Variants in MAST4 observed in about 807,000 individuals in gnomAD.
The protein encoded by MAST4 is microtubule associated serine/threonine kinase family member 4.
Under a neutral mutation model 162.7 loss-of-function variants are expected in MAST4, and 89 were observed. The observed-to-expected ratio is 0.55, with a 90% CI of 0.46 to 0.65. MAST4 has a LOEUF of 0.65. MAST4 is among the 30% of genes least tolerant of loss of function. The pLI, the probability that MAST4 is intolerant of heterozygous loss-of-function variation, is 0.00. For synonymous variants in MAST4, 1,479 were observed against 1,361.1 expected (o/e 1.09, Z -1.91); for missense variants, 3,153 against 3,374.0 (o/e 0.93, Z 1.62).
rs148439323 is a variant in MAST4 at position 66,773,562 on chromosome 5, C to T, written c.517+13700C>T. The stretch of plus-strand genomic sequence containing the variant: ...CATGGTTTGTGTCCTCTCTAAAATT[C>T]GGGTGTTGCCAGTTTGATAGTATTT... On this transcript the variant is annotated intron_variant, in intron 2 of 28. Coordinates refer to ENST00000403625, the MANE Select transcript of MAST4 (RefSeq NM_001164664.2). 6.0e-3 allele frequency among the ~76,000 whole-genome samples: 915 copies of T among 152,270 alleles called. 7 individuals are homozygous for T. The highest frequency in any genetic ancestry group is 0.051 in the South Asian group (245 of 4,818).
intron 4 of MAST4, among the ~76,000 whole-genome samples, chr5:66,983,432 A>T (rs1303459757): frequency 2.0e-5 from 3 of 152,198 alleles, no homozygotes; most frequent in African/African-American, 7.2e-5. Flanking sequence ...TTAATGGTGA[A>T]GAGAAGGTTA....
chr5:66,825,271 C>G (rs1345130182), intron 3 of MAST4, among the ~76,000 whole-genome samples: 1 of 83,452 alleles, frequency 1.2e-5, no homozygotes, highest in Non-Finnish European at 2.2e-5. Context: ...GACACACACA[C>G]ACACACACAC....
rs574313816 is a variant in MAST4 at position 66,658,958 on chromosome 5, G to A, written c.363+61940G>A. On this transcript the variant is annotated intron_variant, in intron 1 of 28. Coordinates refer to ENST00000403625, the MANE Select transcript of MAST4 (RefSeq NM_001164664.2). ...GGTTGCTTGAGTCCAGGAGTTCAAGGCTGCAGTGAGCTATGATTGTACCAC... is the reference window on the plus strand; with the variant it reads ...GGTTGCTTGAGTCCAGGAGTTCAAGACTGCAGTGAGCTATGATTGTACCAC... 2.6e-5 allele frequency among the ~76,000 whole-genome samples: 4 copies of A among 152,228 alleles called. No individual in the cohort carries two copies. The South Asian group carries it at 8.3e-4, about 32-fold the overall frequency.
At chr5:66,616,398 G>A (rs1743688044) in intron 1 of MAST4, among the ~76,000 whole-genome samples, 1 of 152,174 alleles carries the variant, frequency 6.6e-6, no homozygotes, top group Non-Finnish European at 1.5e-5. Flanking sequence ...ATAGGAATTA[G>A]TTTCTAGACG....
Position 66,825,261 on chromosome 5 carries a change from GACACACACACACACACACACACAC to G in MAST4, c.642+36497_642+36520del, listed in dbSNP as rs56076405. 4.4e-4 allele frequency among the ~76,000 whole-genome samples: 60 copies of G among 135,634 alleles called. 1 individual carries two copies. Among genetic ancestry groups the G allele is most frequent in the East Asian group, 4.4e-3 (21 of 4,784 alleles). The allele number at this position is 135,634 out of a possible 152,430, so 89.0% of individuals were successfully genotyped here. On this transcript the variant is annotated intron_variant, in intron 3 of 28. Coordinates refer to ENST00000403625, the MANE Select transcript of MAST4 (RefSeq NM_001164664.2). ...TTTAACCTTTTTTGTTAAAAACTAA[GACACACACACACACACACACACAC>G]ACACACACACACACACACACACACA...
intron 1 of MAST4, among the ~76,000 whole-genome samples, chr5:66,608,550 G>A (rs183074066): frequency 1.0e-3 from 159 of 151,868 alleles, no homozygotes; most frequent in African/African-American, 3.6e-3. Context: ...GTCTCTGTCA[G>A]TATCCCTAGC....
chr5:67,000,019 T>G lies in MAST4; in HGVS notation c.675-54385T>G, dbSNP rs143556232. ...CCCATTTCTGTCCCAGTATTAAACTTTATTTCTTGGGATGTACAAAATGAT... is the reference window on the plus strand; with the variant it reads ...CCCATTTCTGTCCCAGTATTAAACTGTATTTCTTGGGATGTACAAAATGAT... On this transcript the variant is annotated intron_variant, in intron 4 of 28. Transcript: ENST00000403625. Among the ~76,000 whole-genome samples, 577 of 152,338 alleles carry G rather than the reference T, an allele frequency of 3.8e-3. 4 individuals carry two copies. Among genetic ancestry groups the G allele is most frequent in the Admixed American group, 7.6e-3 (116 of 15,304 alleles).
At chr5:66,836,118 C>T (rs910188263) in intron 3 of MAST4, among the ~76,000 whole-genome samples, 3 of 151,998 alleles carry the variant, frequency 2.0e-5, no homozygotes, top group Admixed American at 6.6e-5. Context: ...CTGCAGTGAG[C>T]TGTGTTCGTG....
chr5:66,975,899 G>C (rs1401125392), intron 4 of MAST4, among the ~76,000 whole-genome samples: 1 of 152,120 alleles, frequency 6.6e-6, no homozygotes, highest in Non-Finnish European at 1.5e-5. Flanking sequence ...GGAGACTGAG[G>C]CATGAAAATT....
At chr5:67,033,315 C>CTG (rs146627241) in intron 4 of MAST4, among the ~76,000 whole-genome samples, 11,055 of 125,902 alleles carry the variant, frequency 0.088, 557 homozygotes, top group Non-Finnish European at 0.12. Context: ...TTTCATTTCT[C>CTG]TGTGTGTGTG....
intron 1 of MAST4, among the ~76,000 whole-genome samples, chr5:66,666,102 G>A (rs780065099): frequency 6.6e-6 from 1 of 152,106 alleles, no homozygotes; most frequent in Non-Finnish European, 1.5e-5. Context: ...GGGTTGCAGT[G>A]GTCCAGGAAG....
chr5:66,673,951 A>G (rs1184950472), intron 1 of MAST4, among the ~76,000 whole-genome samples: 5 of 152,252 alleles, frequency 3.3e-5, no homozygotes. Flanking sequence ...TTAGTTAAAA[A>G]TTTAAAAACA....
chr5:66,633,669 T>C lies in MAST4; in HGVS notation c.363+36651T>C, dbSNP rs191983281. On this transcript the variant is annotated intron_variant, in intron 1 of 28. Coordinates refer to ENST00000403625, the MANE Select transcript of MAST4 (RefSeq NM_001164664.2). ...AAGATAGTTTCAAGAATTCAAATAC[T>C]TTGTCAAAGCATTCACTGGGGGCTA... Among the ~76,000 whole-genome samples, 332 of 152,328 alleles carry C rather than the reference T, an allele frequency of 2.2e-3. 1 individual carries two copies. The highest frequency in any genetic ancestry group is 1.3e-3 in the Non-Finnish European group (91 of 68,020).
In MAST4 at chr5:66,672,239, G is replaced by T. The variant is rs527247838; in HGVS notation, c.363+75221G>T. On this transcript the variant is annotated intron_variant, in intron 1 of 28. Coordinates refer to ENST00000403625, the MANE Select transcript of MAST4 (RefSeq NM_001164664.2). ...TGTGCATATATGCATAACCTTCCTC[G>T]CCCCGAAGAAAAACTGCCGCTAACT... 6.6e-5 allele frequency among the ~76,000 whole-genome samples: 10 copies of T among 152,084 alleles called. No homozygotes were observed. In the East Asian group the frequency reaches 1.9e-3, roughly 29 times the overall value.
chr5:67,165,813 C>G lies in MAST4; in HGVS notation c.6634C>G (p.Leu2212Val). The change falls in exon 29 of 29, where the codon CTC (leucine) becomes GTC (valine). Residue 2212 changes from leucine (L) to valine (V), a missense_variant. By Grantham distance (32) the Leu-to-Val change is conservative. This residue lies in a region of MAST4 where 1,644 missense variants were observed against 1,495.0 expected (regional missense o/e 1.10). Coordinates refer to ENST00000403625, the MANE Select transcript of MAST4 (RefSeq NM_001164664.2). ...PPKTKHPDRS[L>V]SSQKPSVGAT... ...AAAGACTAAGCACCCCGACCGGTCC[C>G]TCTCCTCTCAGAAACCAAGTGTCGG... 6.2e-7 allele frequency: 1 copy of G among 1,612,566 alleles called. No individual in the cohort carries two copies. The highest frequency in any genetic ancestry group is 1.1e-5 in the South Asian group (1 of 90,992).
At chr5:67,043,311 G>T (rs1036402293) in intron 4 of MAST4, among the ~76,000 whole-genome samples, 1 of 152,120 alleles carries the variant, frequency 6.6e-6, no homozygotes, top group Non-Finnish European at 1.5e-5. Flanking sequence ...TAATAATTTA[G>T]TTGCTATGTG....
intron 3 of MAST4, among the ~76,000 whole-genome samples, chr5:66,804,752 A>T (rs1285226379): frequency 1.3e-5 from 2 of 152,076 alleles, no homozygotes; most frequent in Non-Finnish European, 2.9e-5. Flanking sequence ...AGGCATCTGG[A>T]CTTGATATTT....
intron 3 of MAST4, among the ~76,000 whole-genome samples, chr5:66,892,123 C>T (rs1220331738): frequency 6.6e-6 from 1 of 152,228 alleles, no homozygotes; most frequent in East Asian, 1.9e-4. Context: ...TGCATTTGCT[C>T]AGGTTGAGTC....
intron 3 of MAST4, among the ~76,000 whole-genome samples, chr5:66,792,986 T>C (rs571178248): frequency 3.5e-4 from 54 of 152,282 alleles, no homozygotes; most frequent in African/African-American, 1.3e-3. Flanking sequence ...TTCAGAAAAG[T>C]ATAGGCCCTC....
Sources: gnomAD v4.1 joint callset for allele counts (sites outside exome capture counted in the v4.1 genomes callset) on GRCh38, gnomAD v4.1.1 for gene constraint, gnomAD v4.1.1 regional missense constraint, MANE v1.5 for transcripts, NCBI Gene and HGNC (gene_info 2026-07-23, HGNC 2026-07-21) for gene names.